CFAP299: variants seen among roughly 807,000 people sequenced by gnomAD.
The protein encoded by CFAP299 is cilia and flagella associated protein 299.
CFAP299 carries 21 observed loss-of-function variants against 27.0 expected under a neutral mutation model. The observed-to-expected ratio is 0.78, with a 90% CI of 0.55 to 1.12. The LOEUF is 1.12. Among genes scored for constraint, CFAP299 ranks in the 50% most tolerant of loss-of-function variants. The pLI is 0.00. For missense variants in CFAP299, 310 were observed against 276.6 expected (o/e 1.12, Z -0.86); for synonymous variants, 104 against 98.1 (o/e 1.06, Z -0.36).
chr4:80,702,105 G>C (rs951581870), intron 3 of CFAP299, among the ~76,000 whole-genome samples: 1 of 151,836 alleles, frequency 6.6e-6, no homozygotes, highest in Non-Finnish European at 1.5e-5. Flanking sequence ...CAGTGATGCA[G>C]AAGAAATGCA....
chr4:80,496,707 C>T lies in CFAP299; in HGVS notation c.243-86386C>T, dbSNP rs150936820. Among the ~76,000 whole-genome samples, 968 of 152,252 alleles carry T rather than the reference C, an allele frequency of 6.4e-3. 12 individuals carry two copies. The highest frequency in any genetic ancestry group is 0.022 in the African/African-American group (918 of 41,546). On this transcript the variant is annotated intron_variant, in intron 2 of 5. Coordinates refer to ENST00000358105, the MANE Select transcript of CFAP299 (RefSeq NM_152770.3). The stretch of plus-strand genomic sequence containing the variant: ...CCAATTTTCTGCATTAGGCCATTCT[C>T]ACATTCCTATAAAGAAATACCAGAG...
chr4:80,746,859 G>A (rs1560731085), intron 3 of CFAP299, among the ~76,000 whole-genome samples: 1 of 152,014 alleles, frequency 6.6e-6, no homozygotes, highest in African/African-American at 2.4e-5. Flanking sequence ...CTCATTCAAA[G>A]CTTGTGTGCA....
chr4:80,651,411 G>C (rs1276419635), intron 3 of CFAP299, among the ~76,000 whole-genome samples: 23 of 145,388 alleles, frequency 1.6e-4, no homozygotes, highest in African/African-American at 5.7e-4. Context: ...TGTCACCCAG[G>C]CTTGACTGCA....
intron 4 of CFAP299, among the ~76,000 whole-genome samples, chr4:80,910,484 A>G (rs1735411976): frequency 6.6e-6 from 1 of 152,176 alleles, no homozygotes; most frequent in Non-Finnish European, 1.5e-5. Context: ...ATGGAATACT[A>G]TGTAGCCATA....
At chr4:80,395,004 T>G (rs1371605556) in intron 2 of CFAP299, among the ~76,000 whole-genome samples, 1 of 152,072 alleles carries the variant, frequency 6.6e-6, no homozygotes, top group African/African-American at 2.4e-5. Flanking sequence ...AATTTGTGGA[T>G]TAAGTTGGAA....
intron 3 of CFAP299, among the ~76,000 whole-genome samples, chr4:80,737,437 A>G (rs1723974609): frequency 6.6e-6 from 1 of 152,010 alleles, no homozygotes; most frequent in African/African-American, 2.4e-5. Flanking sequence ...TTTCTGGGAG[A>G]TATTTTATTA....
At chr4:80,424,380 A>C (rs2110072640) in intron 2 of CFAP299, among the ~76,000 whole-genome samples, 1 of 152,276 alleles carries the variant, frequency 6.6e-6, no homozygotes, top group East Asian at 1.9e-4. Flanking sequence ...TATTGTTTAC[A>C]TTTTTCTGCA....
chr4:80,658,590 A>G (rs1740680856), intron 3 of CFAP299, among the ~76,000 whole-genome samples: 1 of 152,046 alleles, frequency 6.6e-6, no homozygotes, highest in Admixed American at 6.6e-5. Context: ...AGCTTAAACC[A>G]GGAAAAGTGT....
At chr4:80,351,871 TAATG>T (rs1723029304) in intron 1 of CFAP299, among the ~76,000 whole-genome samples, 1 of 150,238 alleles carries the variant, frequency 6.7e-6, no homozygotes, top group Non-Finnish European at 1.5e-5. Context: ...GTTTTATAAT[TAATG>T]ATTTATTAAT....
chr4:80,533,754 C>G lies in CFAP299; in HGVS notation c.243-49339C>G, dbSNP rs1024271180. ...ACTTAGTGTACATGCTCCAAGGATGCTCATCAGAATTATTCATAACAAAAA... is the reference window on the plus strand; with the variant it reads ...ACTTAGTGTACATGCTCCAAGGATGGTCATCAGAATTATTCATAACAAAAA... On this transcript the variant is annotated intron_variant, in intron 2 of 5. Transcript: ENST00000358105. Among the ~76,000 whole-genome samples the G allele has an allele frequency of 5.3e-5, 8 of 152,090 alleles. 1 individual carries two copies. Among genetic ancestry groups the G allele is most frequent in the Non-Finnish European group, 1.2e-4 (8 of 67,984 alleles).
intron 3 of CFAP299, among the ~76,000 whole-genome samples, chr4:80,739,114 C>G (rs929104480): frequency 6.6e-6 from 1 of 151,998 alleles, no homozygotes. Context: ...ATTGTACTGT[C>G]CATGTCTTGA....
At chr4:80,920,422 G>A (rs1259196808) in intron 4 of CFAP299, among the ~76,000 whole-genome samples, 1 of 152,116 alleles carries the variant, frequency 6.6e-6, no homozygotes, top group Non-Finnish European at 1.5e-5. Flanking sequence ...CACTGTACAA[G>A]GGGCAGAAGC....
chr4:80,616,710 G>C (rs1345805919), intron 3 of CFAP299, among the ~76,000 whole-genome samples: 1 of 151,814 alleles, frequency 6.6e-6, no homozygotes, highest in East Asian at 1.9e-4. Flanking sequence ...ATGTACTGAT[G>C]GTCCCAACAT....
chr4:80,899,524 GTCTT>G (rs1392476250), intron 4 of CFAP299, among the ~76,000 whole-genome samples: 3 of 152,152 alleles, frequency 2.0e-5, no homozygotes, highest in African/African-American at 7.2e-5. Context: ...GAGAAAAAAA[GTCTT>G]TCAATAACAA....
intron 3 of CFAP299, among the ~76,000 whole-genome samples, chr4:80,755,854 TG>T (rs1725207564): frequency 6.6e-6 from 1 of 152,132 alleles, no homozygotes; most frequent in Non-Finnish European, 1.5e-5. Flanking sequence ...AACAAAATGC[TG>T]GTCTCAGTTA....
At chr4:80,382,322 A>G (rs1724741978) in intron 2 of CFAP299, among the ~76,000 whole-genome samples, 1 of 152,248 alleles carries the variant, frequency 6.6e-6, no homozygotes. Flanking sequence ...ATTGCAATGA[A>G]AGCAAAAACT....
intron 2 of CFAP299, among the ~76,000 whole-genome samples, chr4:80,485,756 T>A (rs991200154): frequency 1.3e-5 from 2 of 152,170 alleles, no homozygotes; most frequent in Non-Finnish European, 2.9e-5. Context: ...AAACATTAAG[T>A]CTTTATCTGA....
At chr4:80,343,711 C>T (rs1722581111) in intron 1 of CFAP299, among the ~76,000 whole-genome samples, 1 of 150,656 alleles carries the variant, frequency 6.6e-6, no homozygotes, top group Non-Finnish European at 1.5e-5. Flanking sequence ...ATGGCGTGAA[C>T]CCGGGAAGTG....
At chr4:80,777,779 G>C (rs1343579247) in intron 3 of CFAP299, among the ~76,000 whole-genome samples, 3 of 152,060 alleles carry the variant, frequency 2.0e-5, no homozygotes, top group African/African-American at 7.2e-5. Flanking sequence ...AACTCTTAGA[G>C]AGGTATACTA....
Sources: gnomAD v4.1 joint callset for allele counts (sites outside exome capture counted in the v4.1 genomes callset) on GRCh38, gnomAD v4.1.1 for gene constraint, MANE v1.5 for transcripts, NCBI Gene and HGNC (gene_info 2026-07-23, HGNC 2026-07-21) for gene names.